The following PMPCB variants were observed in gnomAD, a reference collection of about 807,000 sequenced individuals.
PMPCB encodes peptidase, mitochondrial processing subunit beta, also known as mitochondrial-processing peptidase subunit beta.
PMPCB carries 46 observed loss-of-function variants against 61.5 expected under a neutral mutation model. That is an observed-to-expected ratio of 0.75 (90% confidence interval 0.59 to 0.96). The LOEUF is 0.96. Among genes scored for constraint, PMPCB ranks in the 40% least tolerant of loss-of-function variants. The pLI, the probability that PMPCB is intolerant of heterozygous loss-of-function variation, is 0.00. For synonymous variants in PMPCB, 191 were observed against 201.6 expected, an observed-to-expected ratio of 0.95 and a Z score of 0.44; for missense variants, 590 against 602.4, an observed-to-expected ratio of 0.98 and a Z score of 0.22.
rs781140984 is a variant in PMPCB, at chr7:103,312,131, G to A, written c.1405G>A (p.Gly469Ser). 1 of 1,614,000 alleles carries A rather than the reference G, an allele frequency of 6.2e-7. No individual in the cohort carries two copies. Among genetic ancestry groups the A allele is most frequent in the African/African-American group, 1.3e-5 (1 of 75,030 alleles). The change falls in exon 12 of 13, where the codon GGT becomes AGT. Residue 469 changes from glycine to serine, a missense_variant and splice_region_variant. Coordinates refer to ENST00000249269, the MANE Select transcript of PMPCB (RefSeq NM_004279.3). ...TAGGAGTCCAGCTATTGCTGCTGTT[G>A]GTAAGCCTGGCTTCTTTTCTTCTAT... Reference protein sequence around the residue: ...YNRSPAIAAVGPIKQLPDFKQ... With the variant: ...YNRSPAIAAVSPIKQLPDFKQ...
At chr7:103,310,118 C>G (rs556451403) in intron 8 of PMPCB, among the ~76,000 whole-genome samples, 197 bp from the exon 9 acceptor site, 11 of 152,250 alleles carry the variant, frequency 7.2e-5, no homozygotes, top group African/African-American at 2.6e-4. Flanking sequence ...ATGAATTTCT[C>G]CAGGGGGTGC....
chr7:103,324,725 G>C, intron 12 of PMPCB: 1 of 634,230 alleles, frequency 1.6e-6, no homozygotes, highest in Non-Finnish European at 2.3e-6. Context: ...TCAGCAGTGG[G>C]GCATGAAACA....
rs778706773 is a variant in PMPCB at position 103,309,002 on chromosome 7, T to A, written c.900T>A (p.Val300=). 4 of 1,606,496 alleles carry A rather than the reference T, an allele frequency of 2.5e-6. No individual in the cohort carries two copies. In the South Asian group the frequency reaches 4.4e-5, roughly 18 times the overall value. ...CTTTGGCGCACCTTGCAATAGCTGT[T>A]GAAGCTGTTGGTTGGGCACATCCAG... is the stretch of plus-strand genomic sequence containing the variant. ...KMPLAHLAIA[V]EAVGWAHPDT... Residue 300 remains valine, a synonymous_variant, in exon 8 of 13, where the codon GTT becomes GTA. Transcript: ENST00000249269.
At chr7:103,318,689 C>T (rs937741489), downstream of PMPCB, among the ~76,000 whole-genome samples, 1 of 152,086 alleles carries the variant, frequency 6.6e-6, no homozygotes, top group Non-Finnish European at 1.5e-5. Context: ...AATTTCTGGG[C>T]CTGTTTTCTT....
At chr7:103,341,657 A>G in the PMPCB span, 10 of 914,944 alleles carry the variant, frequency 1.1e-5, no homozygotes, top group East Asian at 2.3e-4. Flanking sequence ...AATCATAGTT[A>G]TCTTGCTGAA....
rs1817897894 is a variant in PMPCB, at chr7:103,313,891, TAG to T, written c.*1621_*1622del. ...TTAAGTTAATGGACTTCTGGCAATTTAGTTATTTCAGACTATGCAGTGACAAC... is the reference window on the plus strand; with the variant it reads ...TTAAGTTAATGGACTTCTGGCAATTTTTATTTCAGACTATGCAGTGACAAC... On this transcript the variant is annotated 3_prime_UTR_variant, in exon 13 of 13. Transcript: ENST00000249269. 1 of 985,332 alleles carries T rather than the reference TAG, an allele frequency of 1.0e-6. No individual in the cohort carries two copies. The highest frequency in any genetic ancestry group is 1.7e-5 in the African/African-American group (1 of 57,238). 61.0% of individuals were successfully genotyped at this position (985,332 alleles called of 1,614,324 possible). A position where few individuals can be genotyped will look rare whatever the true frequency, so the allele number is the denominator to read the frequency against.
downstream of PMPCB, chr7:103,316,820 A>G (rs535964721): frequency 6.2e-7 from 1 of 1,609,440 alleles, no homozygotes; most frequent in Admixed American, 1.7e-5. Context: ...AGTTTCATTA[A>G]AACCAGTACC....
chr7:103,302,765 C>T lies in PMPCB; in HGVS notation c.458-1077C>T, dbSNP rs556095103. On this transcript the variant is annotated intron_variant, in intron 4 of 12. Coordinates refer to ENST00000249269, the MANE Select transcript of PMPCB (RefSeq NM_004279.3). ...TAAAAAATGAAACCTAAACCAGACA[C>T]GGTAGTACATGCCTTTAGTCTTGGC... Among the ~76,000 whole-genome samples the T allele has an allele frequency of 1.1e-4, 16 of 152,188 alleles. 1 individual carries two copies. The highest frequency in any genetic ancestry group is 2.4e-4 in the African/African-American group (10 of 41,518).
At chr7:103,340,431 A>G in the PMPCB span, among the ~76,000 whole-genome samples, 1 of 152,214 alleles carries the variant, frequency 6.6e-6, no homozygotes, top group Non-Finnish European at 1.5e-5. Context: ...TTAGTCCTCT[A>G]AACAACCAAT....
chr7:103,300,024 A>T (rs182603802), intron 3 of PMPCB, among the ~76,000 whole-genome samples, 154 bp from the exon 4 acceptor site: 91 of 152,346 alleles, frequency 6.0e-4, no homozygotes, highest in Middle Eastern at 3.4e-3. Flanking sequence ...CTGGGGTTAC[A>T]GGTGTGAGCC....
intron 1 of PMPCB, chr7:103,297,762 C>A: frequency 6.5e-7 from 1 of 1,532,946 alleles, no homozygotes; most frequent in South Asian, 1.2e-5. Flanking sequence ...CTGCTAGTGA[C>A]GTGTGGGATG....
intron 9 of PMPCB, chr7:103,311,417 C>G (rs938421603): frequency 7.1e-5 from 39 of 551,272 alleles, no homozygotes; most frequent in Non-Finnish European, 1.1e-4. Flanking sequence ...TGTGATCAGC[C>G]CATTTGTATA....
chr7:103,319,606 T>TA, downstream of PMPCB: 1 of 1,613,946 alleles, frequency 6.2e-7, no homozygotes, highest in Non-Finnish European at 8.5e-7. Context: ...GTTCCTCTAT[T>TA]ACCTGTTTTT....
chr7:103,306,268 C>T (rs1745846657), intron 6 of PMPCB, among the ~76,000 whole-genome samples: 1 of 151,710 alleles, frequency 6.6e-6, no homozygotes, highest in South Asian at 2.1e-4. Flanking sequence ...GTTAAAGAAT[C>T]TTAATTTGGG....
intron 12 of PMPCB, among the ~76,000 whole-genome samples, chr7:103,321,157 C>G (rs973156512): frequency 1.3e-5 from 2 of 152,180 alleles, no homozygotes; most frequent in Non-Finnish European, 2.9e-5. Context: ...GAGATGGCGC[C>G]ACTGCACTCC....
chr7:103,337,656 T>C, the PMPCB span: 1,936 of 1,146,232 alleles, frequency 1.7e-3, 55 homozygotes, highest in Admixed American at 0.034. Context: ...CAGACTATGA[T>C]ACTGTATATC....
At chr7:103,307,406 G>T (rs1458947825) in intron 6 of PMPCB, among the ~76,000 whole-genome samples, 190 bp from the exon 7 acceptor site, 1 of 152,206 alleles carries the variant, frequency 6.6e-6, no homozygotes, top group Non-Finnish European at 1.5e-5. Context: ...TCTACAAAAT[G>T]AGAAAGCTGT....
intron 12 of PMPCB, chr7:103,324,594 C>A: frequency 7.1e-7 from 1 of 1,413,852 alleles, no homozygotes; most frequent in Non-Finnish European, 9.5e-7. Context: ...TCTTACAATT[C>A]TTCAAAAATT....
chr7:103,341,406 T>C, the PMPCB span, among the ~76,000 whole-genome samples: 7 of 152,352 alleles, frequency 4.6e-5, no homozygotes, highest in African/African-American at 1.7e-4. Context: ...ATGTACCCTA[T>C]ACGACTTATC....
Sources: allele counts gnomAD v4.1 joint callset (sites outside exome capture counted in the v4.1 genomes callset), GRCh38; gene constraint gnomAD v4.1.1; transcripts MANE v1.5; gene names NCBI Gene and HGNC (gene_info 2026-07-23, HGNC 2026-07-21).